The following AAR2 variants were observed in gnomAD, a reference collection of about 807,000 sequenced individuals.
AAR2 encodes protein AAR2 homolog.
AAR2 carries 31 observed loss-of-function variants against 26.9 expected under a neutral mutation model. That is an observed-to-expected ratio of 1.15 (90% CI 0.86 to 1.55). The LOEUF (loss-of-function observed/expected upper bound fraction) is 1.55, where lower values mean the gene tolerates loss of function less well. Among genes scored for constraint, AAR2 ranks in the 40% most tolerant of loss-of-function variants. The probability of loss-of-function intolerance (pLI) is 0.00; values close to 1 mark genes in which losing one functional copy is unlikely to be tolerated. For synonymous variants in AAR2, 188 were observed against 196.1 expected, an observed-to-expected ratio of 0.96 and a Z score of 0.34; for missense variants, 430 against 491.3, an observed-to-expected ratio of 0.88 and a Z score of 1.18.
chr20:36,245,123 C>T (rs1436027904), intron 3 of AAR2, among the ~76,000 whole-genome samples, 197 bp downstream of exon 3: 2 of 152,036 alleles, frequency 1.3e-5, no homozygotes, highest in African/African-American at 4.8e-5. Flanking sequence ...TCTGTACCAC[C>T]CTCTCCCTAC....
At chr20:36,247,654 G>C (rs1032010840) in intron 3 of AAR2, among the ~76,000 whole-genome samples, 1 of 151,858 alleles carries the variant, frequency 6.6e-6, no homozygotes, top group Non-Finnish European at 1.5e-5. Context: ...GATCACTTGA[G>C]GTCAGGAGTT....
intron 3 of AAR2, 74 bp downstream of exon 3, chr20:36,245,000 G>T (rs1371364384): frequency 2.8e-6 from 4 of 1,405,852 alleles, no homozygotes; most frequent in Non-Finnish European, 4.0e-6. Flanking sequence ...TTTGTTTCTC[G>T]CTATTCTTCC....
Position 36,255,974 on chromosome 20 carries a change from G to T in AAR2, c.*229G>T. On this transcript the variant is annotated 3_prime_UTR_variant, in exon 4 of 4. Coordinates refer to ENST00000320849, the MANE Select transcript of AAR2 (RefSeq NM_001271874.2). Reference sequence around the variant, plus strand: ...TGGGTTCCCCATCAGCCAGGCCTTGGTGCTAACCTGGCTGAATTTCACACA... The same window carrying T: ...TGGGTTCCCCATCAGCCAGGCCTTGTTGCTAACCTGGCTGAATTTCACACA... 1.8e-6 allele frequency: 1 copy of T among 563,656 alleles called. No individual in the cohort carries two copies. Among genetic ancestry groups the T allele is most frequent in the East Asian group, 3.1e-5 (1 of 32,642 alleles). 34.9% of individuals were successfully genotyped at this position (563,656 alleles called of 1,614,324 possible).
rs1175534295 is a variant in AAR2, at chr20:36,244,814, A to T, written c.875A>T (p.His292Leu). 6.2e-7 allele frequency: 1 copy of T among 1,614,150 alleles called. No homozygotes were observed. Among genetic ancestry groups the T allele is most frequent in the Admixed American group, 1.7e-5 (1 of 60,018 alleles). Residue 292 changes from histidine to leucine, a missense_variant, in exon 3 of 4, where the codon CAC becomes CTC. His to Leu is a moderately conservative substitution (Grantham distance 99). Coordinates refer to ENST00000320849, the MANE Select transcript of AAR2 (RefSeq NM_001271874.2). ...CRSEAAMMKH[H>L]TLYINLISIL... ...TCAGAAGCAGCCATGATGAAGCACC[A>T]CACCCTCTACATCAACCTCATCTCC...
intron 3 of AAR2, among the ~76,000 whole-genome samples, chr20:36,246,216 T>A (rs2064733428): frequency 6.6e-6 from 1 of 152,152 alleles, no homozygotes; most frequent in Non-Finnish European, 1.5e-5. Flanking sequence ...ACAGTGTGAA[T>A]CCCCCAGAAA....
chr20:36,255,772 G>A lies in AAR2; in HGVS notation c.*27G>A, dbSNP rs1483381618. 1 of 1,613,098 alleles carries A rather than the reference G, an allele frequency of 6.2e-7. No homozygotes were observed. Among genetic ancestry groups the A allele is most frequent in the East Asian group, 2.2e-5 (1 of 44,856 alleles). On this transcript the variant is annotated 3_prime_UTR_variant, in exon 4 of 4. Transcript: ENST00000320849. ...TCGGGGAGCGCTCTCAGCTGCGAGG[G>A]GCCCCTTCCCACAGGGCTGCAGTCC...
chr20:36,249,500 A>G (rs575675027), intron 3 of AAR2, among the ~76,000 whole-genome samples: 1 of 152,192 alleles, frequency 6.6e-6, no homozygotes, highest in African/African-American at 2.4e-5. Context: ...ATGCTTTCCA[A>G]CTTCCTTTGT....
chr20:36,250,458 G>A (rs1456352981), intron 3 of AAR2, among the ~76,000 whole-genome samples: 1 of 152,210 alleles, frequency 6.6e-6, no homozygotes, highest in Admixed American at 6.5e-5. Context: ...TAAGTTTCCT[G>A]AAGAAGGCGT....
Position 36,255,738 on chromosome 20 carries a change from T to C in AAR2, c.1148T>C (p.Met383Thr). ...GTGGAGCTCCCTGAGGGCATCGAGA[T>C]GGGCTAACTCGGGGAGCGCTCTCAG... Reference protein sequence around the residue: ...VVVELPEGIEMG With the variant: ...VVVELPEGIETG The change falls in exon 4 of 4, where the codon ATG (methionine) becomes ACG (threonine). Residue 383 changes from methionine to threonine, a missense_variant. Coordinates refer to ENST00000320849, the MANE Select transcript of AAR2 (RefSeq NM_001271874.2). The C allele has an allele frequency of 7.4e-6, 12 of 1,614,110 alleles. No homozygotes were observed. Among genetic ancestry groups the C allele is most frequent in the Non-Finnish European group, 1.0e-5 (12 of 1,180,024 alleles).
In AAR2 at chr20:36,240,538, G is replaced by A. The variant is rs1385562141; in HGVS notation, c.670G>A (p.Glu224Lys). 1.2e-6 allele frequency: 2 copies of A among 1,613,844 alleles called. No individual in the cohort carries two copies. Among genetic ancestry groups the A allele is most frequent in the African/African-American group, 1.3e-5 (1 of 74,910 alleles). ...GTTCCCAGAGGGTGCCACGCCAGCT[G>A]AGATAACCAAGCACAGCATGGACCT... ...QMFPEGATPAEITKHSMDLSY... is the reference protein window; with the variant it reads ...QMFPEGATPAKITKHSMDLSY... Residue 224 changes from glutamate to lysine, a missense_variant, in exon 2 of 4, where the codon GAG becomes AAG. Transcript: ENST00000320849.
At chr20:36,255,280 G>T (rs942151091) in intron 3 of AAR2, among the ~76,000 whole-genome samples, 2 of 152,234 alleles carry the variant, frequency 1.3e-5, no homozygotes, top group South Asian at 4.1e-4. Flanking sequence ...GCTACTACCT[G>T]TTCCTCTGGG....
rs1735147713 is a variant in AAR2 at position 36,240,453 on chromosome 20, A to G, written c.585A>G (p.Leu195=). 1 of 1,614,078 alleles carries G rather than the reference A, an allele frequency of 6.2e-7. No individual in the cohort carries two copies. Among genetic ancestry groups the G allele is most frequent in the African/African-American group, 1.3e-5 (1 of 74,940 alleles). ...CKSYQEGLAR[L]PEMKPRAGTE... ...GCTACCAAGAGGGCCTGGCCCGGCT[A>G]CCAGAGATGAAGCCCAGAGCCGGGA... Residue 195 remains leucine, a synonymous_variant, in exon 2 of 4, where the codon CTA becomes CTG. Transcript: ENST00000320849.
intron 3 of AAR2, among the ~76,000 whole-genome samples, chr20:36,247,741 C>T (rs574706226): frequency 4.5e-4 from 69 of 152,074 alleles, no homozygotes; most frequent in Middle Eastern, 3.4e-3. Context: ...TGGTGGTGGG[C>T]GCCTCTAGTC....
chr20:36,248,096 T>C (rs1467557116), intron 3 of AAR2, among the ~76,000 whole-genome samples: 5 of 152,204 alleles, frequency 3.3e-5, no homozygotes. Flanking sequence ...TTGCTCATTC[T>C]ACAACATGCC....
Position 36,244,908 on chromosome 20 carries a change from C to T in AAR2, c.969C>T (p.Phe323=), listed in dbSNP as rs775133590. 3 of 1,614,092 alleles carry T rather than the reference C, an allele frequency of 1.9e-6. No individual in the cohort carries two copies. In the South Asian group the frequency reaches 3.3e-5, roughly 18 times the overall value. The part of the protein sequence containing the change: ...FFVDIVSQDN[F]LTSTLQVFFS... ...TAGACATTGTCTCCCAAGACAACTT[C>T]CTCACCAGCACCTTACAGGTGAGCA... is the stretch of plus-strand genomic sequence containing the variant. Residue 323 remains phenylalanine (F), a synonymous_variant, in exon 3 of 4, where the codon TTC becomes TTT. Transcript: ENST00000320849.
At position 36,248,211 on chromosome 20, in the gene AAR2, C is replaced by T. The variant is rs186082557; in HGVS notation, c.987+3285C>T. 8.5e-4 allele frequency among the ~76,000 whole-genome samples: 129 copies of T among 152,282 alleles called. 1 individual carries two copies. Among genetic ancestry groups the T allele is most frequent in the African/African-American group, 3.0e-3 (123 of 41,554 alleles). On this transcript the variant is annotated intron_variant, in intron 3 of 3. Transcript: ENST00000320849. ...TACTCTTAGCTTACTTTGAACTTGT[C>T]GCTATTATATTGCATGAGATGTGCT...
rs528061620 is a variant in AAR2 at position 36,240,818 on chromosome 20, TTCTA to T, written c.757+197_757+200del. ...AGATCTGGAGTGGGGCTTCCGCAGT[TTCTA>T]TCTGTCTAATAAACAAACATCCTAG... On this transcript the variant is annotated intron_variant, in intron 2 of 3. Transcript: ENST00000320849. Among the ~76,000 whole-genome samples, 27 of 152,320 alleles carry T rather than the reference TTCTA, an allele frequency of 1.8e-4. 1 individual carries two copies. In the South Asian group the frequency reaches 5.6e-3, roughly 32 times the overall value.
At chr20:36,255,428 G>C (rs1021770925) in intron 3 of AAR2, 150 bp from the exon 4 acceptor site, 37 of 862,872 alleles carry the variant, frequency 4.3e-5, no homozygotes, top group Non-Finnish European at 6.0e-5. Context: ...TTCTTGGTTT[G>C]GGGGGAGCAT....
Position 36,240,441 on chromosome 20 carries a change from C to T in AAR2, c.573C>T (p.Gly191=). The T allele has an allele frequency of 3.7e-6, 6 of 1,614,214 alleles. No homozygotes were observed. In the East Asian group the frequency reaches 1.1e-4, roughly 30 times the overall value. ...TTGAGTGCAAAAGCTACCAAGAGGG[C>T]CTGGCCCGGCTACCAGAGATGAAGC... The part of the protein sequence containing the change: ...CGIECKSYQE[G]LARLPEMKPR... Residue 191 remains glycine (G), a synonymous_variant, in exon 2 of 4, where the codon GGC becomes GGT. Coordinates refer to ENST00000320849, the MANE Select transcript of AAR2 (RefSeq NM_001271874.2).
Sources: allele counts gnomAD v4.1 joint callset (sites outside exome capture counted in the v4.1 genomes callset), GRCh38; gene constraint gnomAD v4.1.1; transcripts MANE v1.5; gene names NCBI Gene and HGNC (gene_info 2026-07-23, HGNC 2026-07-21).